Variants in PLPPR4 observed in about 807,000 individuals in gnomAD.
PLPPR4 encodes the protein phospholipid phosphatase-related protein type 4.
Under a neutral mutation model 56.6 loss-of-function variants are expected in PLPPR4, and 24 were observed. The ratio of observed to expected loss-of-function variants is 0.42; its 90% CI spans 0.31 to 0.60. The LOEUF is 0.60. Ranked by LOEUF, PLPPR4 falls within the 20% of genes least tolerant of loss-of-function variation. PLPPR4 has a pLI of 0.13. For missense variants in PLPPR4, 654 were observed against 885.8 expected, an observed-to-expected ratio of 0.74 and a Z score of 3.32; for synonymous variants, 326 against 328.1, an observed-to-expected ratio of 0.99 and a Z score of 0.07.
chr1:99,304,810 G>C (rs1201425965), intron 6 of PLPPR4, among the ~76,000 whole-genome samples: 2 of 152,110 alleles, frequency 1.3e-5, no homozygotes, highest in African/African-American at 4.8e-5. Flanking sequence ...ACAGGTGTCT[G>C]CTGCTTGATT....
chr1:99,295,115 AC>A (rs1223975670), intron 2 of PLPPR4, among the ~76,000 whole-genome samples: 1 of 152,196 alleles, frequency 6.6e-6, no homozygotes, highest in Non-Finnish European at 1.5e-5. Flanking sequence ...TAAATGGTTA[AC>A]TCAGCATCCA....
chr1:99,278,159 G>C (rs765722787), intron 1 of PLPPR4, among the ~76,000 whole-genome samples: 9 of 152,050 alleles, frequency 5.9e-5, no homozygotes, highest in Non-Finnish European at 1.2e-4. Context: ...TCTAGGAAGA[G>C]GTAGAATACA....
At position 99,300,914 on chromosome 1, in the gene PLPPR4, C is replaced by A; in HGVS notation, c.596C>A (p.Ser199Tyr). The A allele has an allele frequency of 6.2e-7, 1 of 1,612,054 alleles. No individual in the cohort carries two copies. The highest frequency in any genetic ancestry group is 1.1e-5 in the South Asian group (1 of 90,970). The change falls in exon 5 of 7, where the codon TCC becomes TAC. Residue 199 changes from serine (S) to tyrosine (Y), a missense_variant. Ser to Tyr is a moderately radical substitution (Grantham distance 144). This residue lies in a region of PLPPR4 where 186 missense variants were observed against 331.4 expected (regional missense o/e 0.56). Transcript: ENST00000370185. ...DLTVINSGRKSFPSQHATLAA... is the reference protein window; with the variant it reads ...DLTVINSGRKYFPSQHATLAA... ...TGACTATCTTCTTTTGGCAGAAAGT[C>A]CTTCCCTTCTCAACATGCAACCCTT...
chr1:99,290,257 G>T (rs1442004755), intron 2 of PLPPR4, among the ~76,000 whole-genome samples: 1 of 151,990 alleles, frequency 6.6e-6, no homozygotes, highest in African/African-American at 2.4e-5. Context: ...AGCTCTGCAA[G>T]GAGAACTACA....
At chr1:99,263,744 C>G (rs570385945), upstream of PLPPR4, among the ~76,000 whole-genome samples, 2 of 152,250 alleles carry the variant, frequency 1.3e-5, no homozygotes, top group East Asian at 3.9e-4. Context: ...GATTGCAATA[C>G]TGACACTGTT....
At position 99,305,740 on chromosome 1, in the gene PLPPR4, G is replaced by A; in HGVS notation, c.878G>A (p.Arg293Lys). The change falls in exon 7 of 7, where the codon AGA (arginine) becomes AAA (lysine). Residue 293 changes from arginine to lysine, a missense_variant. By Grantham distance (26) the Arg-to-Lys change is conservative. Transcript: ENST00000370185. ...AGTGATGAGAGTATGTTTCAGCACAGAGACGCCCTCAGGTCTCTGACAGAC... is the reference window on the plus strand; with the variant it reads ...AGTGATGAGAGTATGTTTCAGCACAAAGACGCCCTCAGGTCTCTGACAGAC... ...LPSDESMFQHRDALRSLTDLN... is the reference protein window; with the variant it reads ...LPSDESMFQHKDALRSLTDLN... The A allele has an allele frequency of 1.2e-6, 2 of 1,614,036 alleles. No individual in the cohort carries two copies. Among genetic ancestry groups the A allele is most frequent in the Non-Finnish European group, 8.5e-7 (1 of 1,180,008 alleles).
At chr1:99,276,893 C>CT (rs1466701075) in intron 1 of PLPPR4, among the ~76,000 whole-genome samples, 3 of 152,144 alleles carry the variant, frequency 2.0e-5, no homozygotes. Flanking sequence ...CTAATGATTT[C>CT]TCATTGACAC....
chr1:99,288,976 C>G (rs139395299), intron 2 of PLPPR4, among the ~76,000 whole-genome samples: 111 of 152,160 alleles, frequency 7.3e-4, no homozygotes, highest in African/African-American at 2.6e-3. Flanking sequence ...TGTACTGGAA[C>G]TGAATTCAAA....
intron 1 of PLPPR4, among the ~76,000 whole-genome samples, chr1:99,268,201 A>T (rs977541249): frequency 2.0e-5 from 3 of 152,366 alleles, no homozygotes; most frequent in East Asian, 1.9e-4. Flanking sequence ...ACACTGACAA[A>T]CAGGGTGATA....
At chr1:99,264,918 C>A (rs1432790600) in intron 1 of PLPPR4, among the ~76,000 whole-genome samples, 1 of 152,134 alleles carries the variant, frequency 6.6e-6, no homozygotes, top group African/African-American at 2.4e-5. Flanking sequence ...GAACGGATAC[C>A]TGTGTGAGTG....
chr1:99,300,550 C>T (rs1461937407), intron 4 of PLPPR4, among the ~76,000 whole-genome samples: 1 of 151,884 alleles, frequency 6.6e-6, no homozygotes, highest in Non-Finnish European at 1.5e-5. Context: ...CTTTAAACCC[C>T]TAGGTTTTAT....
intron 1 of PLPPR4, among the ~76,000 whole-genome samples, chr1:99,277,481 C>A (rs548084372): frequency 6.6e-6 from 1 of 152,246 alleles, no homozygotes; most frequent in African/African-American, 2.4e-5. Context: ...ATGGACAAGA[C>A]AAATGTTTTC....
chr1:99,307,144 A>G lies in PLPPR4; in HGVS notation c.*134A>G, dbSNP rs1446049732. ...TCAGCCCAGAACTCTGTAACTTTTC[A>G]GAACTGCTATACTCAAACTTGCAGA... On this transcript the variant is annotated 3_prime_UTR_variant, in exon 7 of 7. Transcript: ENST00000370185. The G allele has an allele frequency of 1.9e-6, 2 of 1,079,232 alleles. No individual in the cohort carries two copies. Among genetic ancestry groups the G allele is most frequent in the African/African-American group, 3.2e-5 (2 of 63,318 alleles). 66.9% of individuals were successfully genotyped at this position (1,079,232 alleles called of 1,614,324 possible).
Position 99,307,337 on chromosome 1 carries a change from A to G in PLPPR4, c.*327A>G, listed in dbSNP as rs116470983. Reference sequence around the variant, plus strand: ...ACTATTTTACTTCCTGAATGTGCCAACTTTGGGGATTTTTCTTTATAGTGA... The same window carrying G: ...ACTATTTTACTTCCTGAATGTGCCAGCTTTGGGGATTTTTCTTTATAGTGA... On this transcript the variant is annotated 3_prime_UTR_variant, in exon 7 of 7. Coordinates refer to ENST00000370185, the MANE Select transcript of PLPPR4 (RefSeq NM_014839.5). 3.1e-5 allele frequency: 8 copies of G among 257,524 alleles called. No homozygotes were observed. Among genetic ancestry groups the G allele is most frequent in the East Asian group, 2.5e-4 (3 of 12,200 alleles). 16.0% of individuals were successfully genotyped at this position (257,524 alleles called of 1,614,324 possible).
rs199634106 is a variant in PLPPR4, at chr1:99,306,719, C to T, written c.1857C>T (p.Asn619=). The part of the protein sequence containing the change: ...LRQTYELNDL[N]RDSESCESLK... ...AAACTTACGAGCTCAACGATCTCAACAGGGACTCAGAAAGCTGTGAGTCTC... is the reference window on the plus strand; with the variant it reads ...AAACTTACGAGCTCAACGATCTCAATAGGGACTCAGAAAGCTGTGAGTCTC... Residue 619 remains asparagine, a synonymous_variant, in exon 7 of 7, where the codon AAC becomes AAT. Transcript: ENST00000370185. The surrounding 1 kb of genome is among the most constrained non-coding windows in gnomAD (Gnocchi z 4.0). The T allele has an allele frequency of 6.2e-7, 1 of 1,614,036 alleles. No individual in the cohort carries two copies. Among genetic ancestry groups the T allele is most frequent in the African/African-American group, 1.3e-5 (1 of 75,042 alleles).
chr1:99,303,024 A>G (rs940922057), intron 6 of PLPPR4, among the ~76,000 whole-genome samples: 9 of 152,202 alleles, frequency 5.9e-5, no homozygotes, highest in African/African-American at 2.2e-4. Flanking sequence ...GTTAAACGAT[A>G]TAACAGGGTA....
At chr1:99,283,422 G>C (rs1441345273) in intron 1 of PLPPR4, among the ~76,000 whole-genome samples, 1 of 152,090 alleles carries the variant, frequency 6.6e-6, no homozygotes, top group Non-Finnish European at 1.5e-5. Flanking sequence ...TCACTAAAAT[G>C]GATATATAAT....
chr1:99,286,515 T>C (rs1419770956), intron 1 of PLPPR4, among the ~76,000 whole-genome samples: 1 of 152,046 alleles, frequency 6.6e-6, no homozygotes, highest in Non-Finnish European at 1.5e-5. Context: ...TTTCAGTTAA[T>C]GATAAGTGTC....
Position 99,296,799 on chromosome 1 carries a change from T to C in PLPPR4, c.326T>C (p.Leu109Pro). Residue 109 changes from leucine to proline, a missense_variant, in exon 3 of 7, where the codon CTA becomes CCA. Around this residue, in one of 2 missense-constraint regions of PLPPR4, gnomAD observed 186 missense variants for 331.4 expected, o/e 0.56. Coordinates refer to ENST00000370185, the MANE Select transcript of PLPPR4 (RefSeq NM_014839.5). ...TCCAAAAGAAGAAATGGGGTCGGAC[T>C]AGAGCCCAACATTAATGCTGGAGGC... is the stretch of plus-strand genomic sequence containing the variant. ...CLSKRRNGVG[L>P]EPNINAGGCN... is the part of the protein sequence containing the mutation. The C allele has an allele frequency of 6.2e-7, 1 of 1,606,138 alleles. No homozygotes were observed. Among genetic ancestry groups the C allele is most frequent in the African/African-American group, 1.3e-5 (1 of 74,934 alleles).
Sources: gnomAD v4.1 joint callset for allele counts (sites outside exome capture counted in the v4.1 genomes callset) on GRCh38, gnomAD v4.1.1 for gene constraint, gnomAD v4.1.1 regional missense constraint, Gnocchi (gnomAD v3.1) non-coding constraint, MANE v1.5 for transcripts, NCBI Gene and HGNC (gene_info 2026-07-23, HGNC 2026-07-21) for gene names.